The following MEF2B variants were observed in gnomAD, a reference collection of about 807,000 sequenced individuals.
MEF2B encodes the protein myocyte enhancer factor 2B.
MEF2B carries 15 observed loss-of-function variants against 32.2 expected under a neutral mutation model. The observed-to-expected ratio is 0.47, with a 90% CI of 0.31 to 0.72. The LOEUF (loss-of-function observed/expected upper bound fraction) is 0.72. Ranked by LOEUF, MEF2B falls within the 30% of genes least tolerant of loss-of-function variation. MEF2B has a pLI of 0.05. For synonymous variants in MEF2B, 205 were observed against 225.6 expected (o/e 0.91, Z 0.82); for missense variants, 441 against 511.5 (o/e 0.86, Z 1.33).
intron 1 of MEF2B, among the ~76,000 whole-genome samples, chr19:19,160,371 C>T (rs1390141930): frequency 6.6e-6 from 1 of 151,994 alleles, no homozygotes; most frequent in African/African-American, 2.4e-5. Flanking sequence ...GCAAGACCAC[C>T]TTGAAATACT....
chr19:19,146,204 G>T (rs2060024710), intron 8 of MEF2B, 69 bp downstream of exon 8: 3 of 850,324 alleles, frequency 3.5e-6, no homozygotes, highest in Non-Finnish European at 5.0e-6. Context: ...TACCAGGGAT[G>T]GCCACCAGGG....
At chr19:19,167,431 A>G (rs12610388) in intron 1 of MEF2B, among the ~76,000 whole-genome samples, 50,544 of 150,778 alleles carry the variant, frequency 0.34, 8,873 homozygotes, top group Non-Finnish European at 0.39. Flanking sequence ...CTGAGGCAGG[A>G]GGATCACTTG....
chr19:19,146,010 G>T lies in MEF2B; in HGVS notation c.894C>A (p.Ser298Arg). The T allele has an allele frequency of 1.4e-6, 2 of 1,432,726 alleles. No individual in the cohort carries two copies. The highest frequency in any genetic ancestry group is 1.8e-6 in the Non-Finnish European group (2 of 1,094,172). 88.8% of individuals were successfully genotyped at this position (1,432,726 alleles called of 1,614,324 possible). ...AVSSQPSGGRSLGEEGPPTRG... is the reference protein window; with the variant it reads ...AVSSQPSGGRRLGEEGPPTRG... ...GGGTTGGGGGACCCTCCTCGCCCAGGCTTCGGCCCCCACTGCAGGGGGAAA... is the reference window on the plus strand; with the variant it reads ...GGGTTGGGGGACCCTCCTCGCCCAGTCTTCGGCCCCCACTGCAGGGGGAAA... The change falls in exon 9 of 9, where the codon AGC becomes AGA. Residue 298 changes from serine to arginine, a missense_variant. Coordinates refer to ENST00000424583, the MANE Select transcript of MEF2B (RefSeq NM_001145785.2).
chr19:19,161,840 C>T (rs575827541), intron 1 of MEF2B, among the ~76,000 whole-genome samples: 1 of 150,768 alleles, frequency 6.6e-6, no homozygotes, highest in African/African-American at 2.4e-5. Context: ...CAGAGTCTCA[C>T]TTTGTCACCC....
chr19:19,159,966 ACTT>A (rs1255459422), intron 1 of MEF2B, among the ~76,000 whole-genome samples: 3 of 142,244 alleles, frequency 2.1e-5, no homozygotes, highest in Non-Finnish European at 4.6e-5. Context: ...GGTCTACTGA[ACTT>A]TTTTTTTTTT....
intron 1 of MEF2B, among the ~76,000 whole-genome samples, chr19:19,166,019 G>A (rs1010908500): frequency 7.9e-5 from 12 of 152,054 alleles, no homozygotes; most frequent in Admixed American, 1.3e-4. Context: ...CTGTCTGCCC[G>A]GGCCCACACC....
Position 19,147,266 on chromosome 19 carries a change from AG to A in MEF2B, c.394-84del. 2 of 1,010,816 alleles carry A rather than the reference AG, an allele frequency of 2.0e-6. 1 individual carries two copies. The highest frequency in any genetic ancestry group is 2.5e-6 in the Non-Finnish European group (2 of 808,630). The allele number at this position is 1,010,816 out of a possible 1,614,324, so 62.6% of individuals were successfully genotyped here. On this transcript the variant is annotated intron_variant, in intron 4 of 8. Coordinates refer to ENST00000424583, the MANE Select transcript of MEF2B (RefSeq NM_001145785.2). ...CAAGGGAGAAAATCCTGATGAGTTC[AG>A]GGGCCCAGCTCTACCTTCAGGAAGC...
At chr19:19,149,115 C>A in intron 3 of MEF2B, 111 bp downstream of exon 3, 1 of 1,385,356 alleles carries the variant, frequency 7.2e-7, no homozygotes. Flanking sequence ...AGCACGTCAG[C>A]CACAAAGCCA....
At chr19:19,148,900 C>T (rs926668133) in intron 3 of MEF2B, among the ~76,000 whole-genome samples, 3 of 151,794 alleles carry the variant, frequency 2.0e-5, no homozygotes, top group African/African-American at 4.8e-5. Flanking sequence ...TTAGTAGAGA[C>T]TGGGTTTTGC....
In MEF2B at chr19:19,146,287, C is replaced by T; in HGVS notation, c.867G>A (p.Val289=). 2 of 1,331,528 alleles carry T rather than the reference C, an allele frequency of 1.5e-6. No homozygotes were observed. The highest frequency in any genetic ancestry group is 1.9e-6 in the Non-Finnish European group (2 of 1,034,122). 82.5% of individuals were successfully genotyped at this position (1,331,528 alleles called of 1,614,324 possible). A position where few individuals can be genotyped will look rare whatever the true frequency, so the allele number is the denominator to read the frequency against. ...AGGGCACTTACCTGGGCTGGGAGGA[C>T]ACGGCGGGGGGCCCATCACCCCTCG... ...QPSRGDGPPA[V]SSQPSGGRSL... Residue 289 remains valine (V), a synonymous_variant, in exon 8 of 9, where the codon GTG becomes GTA. Transcript: ENST00000424583.
rs150020619 is a variant in MEF2B, at chr19:19,151,756, G to C, written c.-29-992C>G. On this transcript the variant is annotated intron_variant, in intron 1 of 8. Transcript: ENST00000424583. ...CAGAAGACCCTTTCCCCAGGCCTCA[G>C]TTTGCTCTTCTGTGAATGGGCTGGT... Among the ~76,000 whole-genome samples the C allele has an allele frequency of 3.3e-3, 507 of 152,202 alleles. 1 individual carries two copies. The highest frequency in any genetic ancestry group is 6.1e-3 in the Non-Finnish European group (414 of 68,008).
At position 19,170,211 on chromosome 19, in the gene MEF2B, G is replaced by C; in HGVS notation, c.-36C>G. On this transcript the variant is annotated 5_prime_UTR_variant, in exon 1 of 9. Transcript: ENST00000424583. Reference sequence around the variant, plus strand: ...AACCCGATATGACACGCACCTGCTCGGCCTGGGCCCTGGGACGCTGGGCGC... The same window carrying C: ...AACCCGATATGACACGCACCTGCTCCGCCTGGGCCCTGGGACGCTGGGCGC... 2.5e-6 allele frequency: 1 copy of C among 398,500 alleles called. No homozygotes were observed. The highest frequency in any genetic ancestry group is 4.4e-6 in the Non-Finnish European group (1 of 225,966). 24.7% of individuals were successfully genotyped at this position (398,500 alleles called of 1,614,324 possible).
At chr19:19,156,599 TGCA>T (rs1441871184) in intron 1 of MEF2B, among the ~76,000 whole-genome samples, 3 of 152,118 alleles carry the variant, frequency 2.0e-5, no homozygotes, top group African/African-American at 7.2e-5. Context: ...AACAGGAAAG[TGCA>T]GCATTATTTC....
chr19:19,163,907 A>T (rs2060186408), intron 1 of MEF2B, among the ~76,000 whole-genome samples: 1 of 152,044 alleles, frequency 6.6e-6, no homozygotes. Flanking sequence ...GAGCTCAAGC[A>T]ATCTGCCTGC....
intron 1 of MEF2B, among the ~76,000 whole-genome samples, chr19:19,160,901 G>A (rs1001924693): frequency 2.0e-5 from 3 of 152,078 alleles, no homozygotes; most frequent in South Asian, 2.1e-4. Context: ...CCTCCTCCCC[G>A]GGGGCCTAGG....
intron 1 of MEF2B, among the ~76,000 whole-genome samples, chr19:19,165,212 C>T (rs575630859): frequency 2.7e-4 from 41 of 152,200 alleles, no homozygotes; most frequent in East Asian, 1.9e-4. Flanking sequence ...GCCACATAAC[C>T]GTATCTGGGA....
At position 19,149,293 on chromosome 19, in the gene MEF2B, C is replaced by T. The variant is rs371035718; in HGVS notation, c.191G>A (p.Arg64His). The T allele has an allele frequency of 1.9e-5, 30 of 1,613,764 alleles. No individual in the cohort carries two copies. The Middle Eastern group carries it at 4.9e-4, about 27-fold the overall frequency. Residue 64 changes from arginine (R) to histidine (H), a missense_variant, in exon 3 of 9, where the codon CGT (arginine) becomes CAT (histidine). Arg to His is a conservative substitution (Grantham distance 29). Around this residue, in one of 2 missense-constraint regions of MEF2B, gnomAD observed 115 missense variants for 183.1 expected, o/e 0.63. Coordinates refer to ENST00000424583, the MANE Select transcript of MEF2B (RefSeq NM_001145785.2). Reference protein sequence around the residue: ...LFQYASTDMDRVLLKYTEYSE... With the variant: ...LFQYASTDMDHVLLKYTEYSE... ...GTACTCTGTGTACTTCAGCAGCACACGGTCCATGTCCGTGCTGGCATACTG... is the reference window on the plus strand; with the variant it reads ...GTACTCTGTGTACTTCAGCAGCACATGGTCCATGTCCGTGCTGGCATACTG...
chr19:19,149,406 G>A lies in MEF2B; in HGVS notation c.78C>T (p.Phe26=), dbSNP rs757194042. 5.0e-6 allele frequency: 8 copies of A among 1,613,990 alleles called. No homozygotes were observed. The highest frequency in any genetic ancestry group is 1.1e-5 in the South Asian group (1 of 91,072). Residue 26 remains phenylalanine, a synonymous_variant, in exon 3 of 9, where the codon TTC becomes TTT. Transcript: ENST00000424583. ...NRQVTFTKRK[F]GLMKKAYELS... ...GCTCATAGGCCTTCTTCATCAGCCC[G>A]AACTTCCGCTTGGTGAACGTCACCT...
rs776392269 is a variant in MEF2B, at chr19:19,145,842, C to A, written c.1062G>T (p.Gly354=). Residue 354 remains glycine, a synonymous_variant, in exon 9 of 9, where the codon GGG becomes GGT. Coordinates refer to ENST00000424583, the MANE Select transcript of MEF2B (RefSeq NM_001145785.2). This position sits in a 1 kb window ranked among gnomAD's most constrained non-coding sequence, Gnocchi z 4.6. The part of the protein sequence containing the change: ...ARSLAEPLRP[G]PALRRLPLAD... ...CCAAGGGCAGCCGGCGCAGGGCGGG[C>A]CCAGGCCGCAGAGGCTCTGCCAGGG... The A allele has an allele frequency of 6.0e-6, 9 of 1,511,442 alleles. No individual in the cohort carries two copies. In the South Asian group the frequency reaches 1.1e-4, roughly 19 times the overall value. 93.6% of individuals were successfully genotyped at this position (1,511,442 alleles called of 1,614,324 possible).
Sources: gnomAD v4.1 joint callset for allele counts (sites outside exome capture counted in the v4.1 genomes callset) on GRCh38, gnomAD v4.1.1 for gene constraint, gnomAD v4.1.1 regional missense constraint, Gnocchi (gnomAD v3.1) non-coding constraint, MANE v1.5 for transcripts, NCBI Gene and HGNC (gene_info 2026-07-23, HGNC 2026-07-21) for gene names.